Variants in ADAM33 observed in about 807,000 individuals in gnomAD.
ADAM33 encodes the protein ADAM metallopeptidase domain 33.
In ADAM33, 103 loss-of-function variants were observed where a neutral mutation model predicts 106.2. The ratio of observed to expected loss-of-function variants is 0.97; its 90% confidence interval spans 0.83 to 1.14. ADAM33 has a LOEUF of 1.14. Among genes scored for constraint, ADAM33 ranks in the 50% most tolerant of loss-of-function variants. The pLI, the probability that ADAM33 is intolerant of heterozygous loss-of-function variation, is 0.00. For missense variants in ADAM33, 1,120 were observed against 1,096.6 expected (o/e 1.02, Z -0.30); for synonymous variants, 483 against 453.0 (o/e 1.07, Z -0.84).
intron 9 of ADAM33, 41 bp downstream of exon 9, chr20:3,673,703 GC>G: frequency 7.3e-6 from 10 of 1,367,264 alleles, no homozygotes; most frequent in Non-Finnish European, 9.4e-6. Context: ...GGGAGGTGAG[GC>G]CGCCCCACCC....
intron 11 of ADAM33, 190 bp from the exon 12 acceptor site, chr20:3,673,088 C>A: frequency 1.4e-6 from 2 of 1,451,680 alleles, no homozygotes; most frequent in Non-Finnish European, 1.8e-6. Flanking sequence ...CAGCCCGGGA[C>A]CCAAGGTGGA....
Position 3,674,770 on chromosome 20 carries a change from C to T in ADAM33, c.410+3G>A, listed in dbSNP as rs894484016. ...AGGCCCAGCCTCCTCTCCCAGAGCT[C>T]ACCTCATCCCAGAGCAGGTGCAGAG... On this transcript the variant is annotated splice_donor_region_variant and intron_variant, in intron 5 of 21. Coordinates refer to ENST00000356518, the MANE Select transcript of ADAM33 (RefSeq NM_025220.5). The T allele has an allele frequency of 5.0e-6, 8 of 1,604,716 alleles. No homozygotes were observed. The highest frequency in any genetic ancestry group is 6.8e-6 in the Non-Finnish European group (8 of 1,175,436).
Position 3,674,672 on chromosome 20 carries a change from C to A in ADAM33, c.432G>T (p.Arg144Ser). The A allele has an allele frequency of 6.2e-7, 1 of 1,610,642 alleles. No individual in the cohort carries two copies. The highest frequency in any genetic ancestry group is 8.5e-7 in the Non-Finnish European group (1 of 1,178,834). ...SGMSGLITLS[R>S]NASYYLRPWP... ...AGGGACGCAGATAATAGCTGGCATT[C>A]CTGCTGAGGGTGATCAGGCCACTAG... The change falls in exon 6 of 22, where the codon AGG becomes AGT. Residue 144 changes from arginine (R) to serine (S), a missense_variant. Coordinates refer to ENST00000356518, the MANE Select transcript of ADAM33 (RefSeq NM_025220.5).
chr20:3,677,209 T>C, intron 2 of ADAM33, 66 bp from the exon 3 acceptor site: 1 of 1,413,230 alleles, frequency 7.1e-7, no homozygotes, highest in Non-Finnish European at 9.4e-7. Context: ...AGGGAGTAGG[T>C]GGCCTGTGGA....
rs1014727355 is a variant in ADAM33, at chr20:3,674,739, C to T, written c.410+34G>A. 3 of 1,593,548 alleles carry T rather than the reference C, an allele frequency of 1.9e-6. No individual in the cohort carries two copies. In the African/African-American group the frequency reaches 4.0e-5, roughly 21 times the overall value. On this transcript the variant is annotated intron_variant, in intron 5 of 21. Transcript: ENST00000356518. ...AGCGGGTGTGAGGGAGCTCTTTCCC[C>T]ATCCCAGGCCCAGCCTCCTCTCCCA...
Position 3,674,516 on chromosome 20 carries a change from A to G in ADAM33, c.588T>C (p.Gly196=), listed in dbSNP as rs1452258361. 9 of 1,613,212 alleles carry G rather than the reference A, an allele frequency of 5.6e-6. No homozygotes were observed. Among genetic ancestry groups the G allele is most frequent in the Non-Finnish European group, 7.6e-6 (9 of 1,179,886 alleles). ...CGATGCCCCTGACCCTGCTCTGGGGACCACCAGGAAGGCTGGTCATGCCCG... is the reference window on the plus strand; with the variant it reads ...CGATGCCCCTGACCCTGCTCTGGGGGCCACCAGGAAGGCTGGTCATGCCCG... ...NKAGMTSLPG[G]PQSRGRREAR... The change falls in exon 6 of 22, where the codon GGT becomes GGC. Residue 196 remains glycine, a synonymous_variant. Transcript: ENST00000356518.
Position 3,675,678 on chromosome 20 carries a change from G to A in ADAM33, c.255-573C>T, listed in dbSNP as rs896397880. Among the ~76,000 whole-genome samples the A allele has an allele frequency of 1.3e-5, 2 of 152,016 alleles. No homozygotes were observed. Among genetic ancestry groups the A allele is most frequent in the East Asian group, 1.9e-4 (1 of 5,188 alleles). On this transcript the variant is annotated intron_variant, in intron 3 of 21. Transcript: ENST00000356518. The surrounding 1 kb of genome is among the most constrained non-coding windows in gnomAD (Gnocchi z 4.1). ...GAAAACAGAATCGCCACCTGCCCAC[G>A]CTGCTTCCACCCTCCCTGCCTTCTC...
chr20:3,670,600 G>A, intron 19 of ADAM33: 1 of 194,706 alleles, frequency 5.1e-6, no homozygotes, highest in Non-Finnish European at 1.1e-5. Context: ...GGTGATTTGT[G>A]CAGAGGAAGT....
rs760903442 is a variant in ADAM33 at position 3,672,580 on chromosome 20, G to A, written c.1358C>T (p.Pro453Leu). 1.5e-5 allele frequency: 24 copies of A among 1,613,460 alleles called. No individual in the cohort carries two copies. Among genetic ancestry groups the A allele is most frequent in the Non-Finnish European group, 1.9e-5 (23 of 1,179,938 alleles). ...CCFAHNCSLR[P>L]GAQCAHGDCC... ...GTCCCCGTGGGCGCACTGGGCCCCC[G>A]GGCGCAGCGAGCAGTTGTGAGCAAA... The change falls in exon 13 of 22, where the codon CCG becomes CTG. Residue 453 changes from proline to leucine, a missense_variant. By Grantham distance (98) the Pro-to-Leu change is moderately conservative (BLOSUM62 -3). Coordinates refer to ENST00000356518, the MANE Select transcript of ADAM33 (RefSeq NM_025220.5).
chr20:3,671,408 C>T lies in ADAM33; in HGVS notation c.1983+11G>A, dbSNP rs759452929. The T allele has an allele frequency of 9.3e-6, 15 of 1,611,888 alleles. No individual in the cohort carries two copies. Among genetic ancestry groups the T allele is most frequent in the African/African-American group, 1.3e-5 (1 of 74,914 alleles). ...GAACCCCAAGGTCACCCCCACTCCTCGGGCTCTCACCCCGTGGCTGTGGCA... is the reference window on the plus strand; with the variant it reads ...GAACCCCAAGGTCACCCCCACTCCTTGGGCTCTCACCCCGTGGCTGTGGCA... On this transcript the variant is annotated intron_variant, in intron 17 of 21. Coordinates refer to ENST00000356518, the MANE Select transcript of ADAM33 (RefSeq NM_025220.5).
At position 3,674,134 on chromosome 20, in the gene ADAM33, A is replaced by T; in HGVS notation, c.668T>A (p.Phe223Tyr). 1.9e-6 allele frequency: 3 copies of T among 1,614,198 alleles called. No homozygotes were observed. The South Asian group carries it at 3.3e-5, about 18-fold the overall frequency. Residue 223 changes from phenylalanine to tyrosine, a missense_variant and splice_region_variant, in exon 8 of 22, where the codon TTC becomes TAC. Coordinates refer to ENST00000356518, the MANE Select transcript of ADAM33 (RefSeq NM_025220.5). ...ELYIVADHTL[F>Y]LTRHRNLNHT... ...GTTCAAGTTTCGGTGCCGAGTCAAG[A>T]ACTGGGAAGGCAGAAATCCCGGTGG...
rs2271511 is a variant in ADAM33 at position 3,673,786 on chromosome 20, C to T, written c.864G>A (p.Gly288=). ...AGTCGTGGGGCCGCTGCGCCCACAG[C>T]CCCCGGCGCCACTGCAGGAAGGCCC... is the stretch of plus-strand genomic sequence containing the variant. The part of the protein sequence containing the change: ...TLWAFLQWRR[G]LWAQRPHDSA... Residue 288 remains glycine (G), a synonymous_variant, in exon 9 of 22, where the codon GGG becomes GGA. Coordinates refer to ENST00000356518, the MANE Select transcript of ADAM33 (RefSeq NM_025220.5). 295,757 of 1,532,452 alleles carry T rather than the reference C, an allele frequency of 0.19. 30,692 individuals are homozygous for T. Among genetic ancestry groups the T allele is most frequent in the African/African-American group, 0.38 (28,100 of 73,026 alleles). 94.9% of individuals were successfully genotyped at this position (1,532,452 alleles called of 1,614,324 possible).
intron 2 of ADAM33, among the ~76,000 whole-genome samples, chr20:3,677,398 A>G (rs1364251958): frequency 6.6e-6 from 1 of 152,200 alleles, no homozygotes; most frequent in African/African-American, 2.4e-5. Flanking sequence ...CAGGCACACC[A>G]GCATCCTCCC....
At chr20:3,669,024 T>C in intron 21 of ADAM33, 24 bp from the exon 22 acceptor site, 3 of 1,613,706 alleles carry the variant, frequency 1.9e-6, no homozygotes, top group Non-Finnish European at 2.5e-6. Flanking sequence ...GGATATGTTG[T>C]CCCCTAAGGA....
At chr20:3,676,944 T>A in intron 3 of ADAM33, 123 bp downstream of exon 3, 1 of 1,033,898 alleles carries the variant, frequency 9.7e-7, no homozygotes, top group Non-Finnish European at 1.4e-6. Context: ...TGCGTGACTC[T>A]CCCTGTCATC....
chr20:3,672,945 C>T, intron 11 of ADAM33, 47 bp from the exon 12 acceptor site: 3 of 1,483,206 alleles, frequency 2.0e-6, no homozygotes, highest in Non-Finnish European at 2.7e-6. Flanking sequence ...AGTCCCCCAA[C>T]CCCCGCGCTT....
chr20:3,679,257 G>C (rs1015022217), intron 2 of ADAM33, among the ~76,000 whole-genome samples: 3 of 151,710 alleles, frequency 2.0e-5, no homozygotes, highest in Admixed American at 6.6e-5. Flanking sequence ...GAAAGAGGGA[G>C]GTGGGGTGGA....
chr20:3,669,479 G>A (rs2087385781), intron 20 of ADAM33, 67 bp downstream of exon 20: 2 of 1,539,134 alleles, frequency 1.3e-6, no homozygotes, highest in Non-Finnish European at 1.8e-6. Context: ...CCATCTGGAA[G>A]GAGGCAGGAG....
chr20:3,675,035 TG>T lies in ADAM33; in HGVS notation c.324del (p.Asn109ThrfsTer12). 1.9e-6 allele frequency: 3 copies of T among 1,613,346 alleles called. No individual in the cohort carries two copies. The highest frequency in any genetic ancestry group is 2.5e-6 in the Non-Finnish European group (3 of 1,179,872). ...CCATGGAAGCATCTCACCGTGTGGTTGGGGGCCAGCACCACTGGCTGCCCAT... is the reference window on the plus strand; with the variant it reads ...CCATGGAAGCATCTCACCGTGTGGTTGGGGCCAGCACCACTGGCTGCCCAT... The part of the protein sequence containing the change: ...GPDGQPVVLA[P>X]NHTDHCHYQG... On this transcript the variant is annotated frameshift_variant, in exon 4 of 22. Transcript: ENST00000356518. LOFTEE classifies it high-confidence loss of function. The surrounding 1 kb of genome is among the most constrained non-coding windows in gnomAD (Gnocchi z 4.1).
Sources: gnomAD v4.1 joint callset for allele counts (sites outside exome capture counted in the v4.1 genomes callset) on GRCh38, gnomAD v4.1.1 for gene constraint, Gnocchi (gnomAD v3.1) non-coding constraint, MANE v1.5 for transcripts, NCBI Gene and HGNC (gene_info 2026-07-23, HGNC 2026-07-21) for gene names.